Variants in CDH23 observed in about 807,000 individuals in gnomAD.
CDH23 encodes cadherin related 23.
CDH23 carries 189 observed loss-of-function variants against 317.1 expected under a neutral mutation model. That is an observed-to-expected ratio of 0.60 (90% confidence interval 0.53 to 0.67). The LOEUF is 0.67. Among genes scored for constraint, CDH23 ranks in the 30% least tolerant of loss-of-function variants. CDH23 has a pLI of 0.00. For missense variants in CDH23, 4,401 were observed against 4,592.4 expected (o/e 0.96, Z 1.20); for synonymous variants, 1,839 against 1,876.8 (o/e 0.98, Z 0.52).
chr10:71,725,227 C>T, intron 29 of CDH23, 145 bp from the exon 30 acceptor site: 1 of 1,460,378 alleles, frequency 6.8e-7, no homozygotes, highest in Non-Finnish European at 9.6e-7. Context: ...GCTTCCTCTC[C>T]ACTGTGAATT....
chr10:71,722,523 T>C (rs544161765), intron 28 of CDH23, among the ~76,000 whole-genome samples: 3 of 152,222 alleles, frequency 2.0e-5, no homozygotes, highest in Non-Finnish European at 2.9e-5. Context: ...GACCCTACTG[T>C]GTGCCAGGAT....
rs190635139 is a variant in CDH23 at position 71,763,303 on chromosome 10, C to T, written c.4846-14377C>T. 1.5e-4 allele frequency among the ~76,000 whole-genome samples: 23 copies of T among 152,320 alleles called. No homozygotes were observed. The East Asian group carries it at 3.1e-3, about 20-fold the overall frequency. On this transcript the variant is annotated intron_variant, in intron 38 of 69. Coordinates refer to ENST00000224721, the MANE Select transcript of CDH23 (RefSeq NM_022124.6). ...GATTACAAGTGTGACCCACTACGCC[C>T]GGCCAGTGGTATTTTTATTTTAAAT...
chr10:71,428,381 G>T lies in CDH23; in HGVS notation c.-5-11446G>T, dbSNP rs573499920. 2.6e-5 allele frequency among the ~76,000 whole-genome samples: 4 copies of T among 151,754 alleles called. No homozygotes were observed. In the South Asian group the frequency reaches 8.4e-4, roughly 32 times the overall value. ...TTGAACTCCTGACCTCAAGTGATCC[G>T]CCCACCTCAGCCTCCCAAAGTGTTG... On this transcript the variant is annotated intron_variant, in intron 1 of 69. Transcript: ENST00000224721.
chr10:71,609,703 G>A (rs1000984567), intron 9 of CDH23, among the ~76,000 whole-genome samples: 1 of 152,030 alleles, frequency 6.6e-6, no homozygotes, highest in Non-Finnish European at 1.5e-5. Flanking sequence ...GGTTATACTC[G>A]TCCAATTATA....
At chr10:71,459,068 G>A (rs1237050911) in intron 3 of CDH23, among the ~76,000 whole-genome samples, 1 of 142,924 alleles carries the variant, frequency 7.0e-6, no homozygotes, top group Non-Finnish European at 1.5e-5. Flanking sequence ...TTACAGGTGT[G>A]AGCCACCACA....
At chr10:71,646,998 G>A (rs1230584500) in intron 14 of CDH23, 1 of 985,304 alleles carries the variant, frequency 1.0e-6, no homozygotes, top group Non-Finnish European at 1.2e-6. Flanking sequence ...ACCAGAGAGG[G>A]GCAGGCGCCT....
chr10:71,759,313 C>T (rs1480568893), intron 38 of CDH23, among the ~76,000 whole-genome samples: 2 of 151,706 alleles, frequency 1.3e-5, no homozygotes, highest in Non-Finnish European at 1.5e-5. Context: ...GCTGGGATTA[C>T]AGGCGTGAGC....
At chr10:71,748,097 T>C (rs1423883111) in intron 38 of CDH23, 1 of 152,106 alleles carries the variant, frequency 6.6e-6, no homozygotes, top group Non-Finnish European at 1.5e-5. Context: ...CCCAGCACAG[T>C]CAGGCCAGCC....
At chr10:71,646,041 G>A (rs1264361496) in intron 13 of CDH23, 61 bp downstream of exon 13, 14 of 1,575,692 alleles carry the variant, frequency 8.9e-6, no homozygotes, top group South Asian at 1.1e-5. Flanking sequence ...GGGGAGGCGA[G>A]GGTAGGGTAG....
intron 28 of CDH23, chr10:71,717,952 C>G (rs948984040): frequency 6.6e-6 from 1 of 152,190 alleles, no homozygotes; most frequent in Non-Finnish European, 1.5e-5. Context: ...ACAGGCCAAA[C>G]CAAACACATA....
chr10:71,508,419 A>C (rs931422781), intron 3 of CDH23: 1 of 152,214 alleles, frequency 6.6e-6, no homozygotes, highest in Non-Finnish European at 1.5e-5. Context: ...CCATGAGGAC[A>C]TGGTAATCAC....
intron 27 of CDH23, 126 bp downstream of exon 27, chr10:71,709,337 A>G: frequency 2.7e-6 from 2 of 748,010 alleles, no homozygotes; most frequent in Non-Finnish European, 4.4e-6. Flanking sequence ...AAGGGCCACC[A>G]GGCACTCACC....
chr10:71,695,651 C>G, intron 22 of CDH23, 126 bp downstream of exon 22: 1 of 670,728 alleles, frequency 1.5e-6, no homozygotes, highest in East Asian at 2.7e-5. Context: ...TGAGCTGGCT[C>G]TTGCAATAGA....
At chr10:71,524,727 T>G (rs1036653839) in intron 6 of CDH23, among the ~76,000 whole-genome samples, 4 of 152,068 alleles carry the variant, frequency 2.6e-5, no homozygotes, top group African/African-American at 7.2e-5. Context: ...GGAGAAGACA[T>G]GACAGTGGAT....
rs376752550 is a variant in CDH23 at position 71,790,377 on chromosome 10, G to T, written c.6013G>T (p.Ala2005Ser). The T allele has an allele frequency of 6.2e-7, 1 of 1,613,544 alleles. No individual in the cohort carries two copies. Among genetic ancestry groups the T allele is most frequent in the African/African-American group, 1.3e-5 (1 of 75,058 alleles). The change falls in exon 46 of 70, where the codon GCC becomes TCC. Residue 2005 changes from alanine to serine, a missense_variant. Transcript: ENST00000224721. ...CGTGGTGACCTACCAGCTGCTGGGT[G>T]CCCAGAGTGGCCTCTTTGACATCAA... ...YAVVTYQLLG[A>S]QSGLFDINSS...
chr10:71,515,394 T>TCTCTCACACACACA (rs1491490493), intron 6 of CDH23, among the ~76,000 whole-genome samples: 24 of 26,702 alleles, frequency 9.0e-4, no homozygotes, highest in African/African-American at 1.9e-3. Context: ...TCTCTCTCTC[T>TCTCTCACACACACA]CACACACACA....
chr10:71,777,692 G>T lies in CDH23; in HGVS notation c.4858G>T (p.Val1620Leu), dbSNP rs41281330. ...CTCTTTTCCACAGGCCACCACGCAC[G>T]TGTACGTGACCATTGTGGATGAGAA... ...GTPTLSATTH[V>L]YVTIVDENDN... The change falls in exon 39 of 70, where the codon GTG becomes TTG. Residue 1620 changes from valine (V) to leucine (L), a missense_variant. Val to Leu is a conservative substitution (Grantham distance 32, BLOSUM62 1). Transcript: ENST00000224721. 6.2e-7 allele frequency: 1 copy of T among 1,611,658 alleles called. No individual in the cohort carries two copies. The highest frequency in any genetic ancestry group is 1.7e-5 in the Admixed American group (1 of 59,698).
intron 14 of CDH23, among the ~76,000 whole-genome samples, chr10:71,655,626 A>G (rs182673237): frequency 3.3e-5 from 5 of 151,902 alleles, no homozygotes; most frequent in African/African-American, 1.2e-4. Context: ...TCCCCACGCC[A>G]CTGAAAACCT....
chr10:71,642,184 C>T (rs560447183), intron 11 of CDH23, among the ~76,000 whole-genome samples: 3 of 152,128 alleles, frequency 2.0e-5, no homozygotes, highest in Admixed American at 2.0e-4. Context: ...GCTTGTCCTC[C>T]CCTTAGACTG....
Sources: gnomAD v4.1 joint callset for allele counts (sites outside exome capture counted in the v4.1 genomes callset) on GRCh38, gnomAD v4.1.1 for gene constraint, MANE v1.5 for transcripts, NCBI Gene and HGNC (gene_info 2026-07-23, HGNC 2026-07-21) for gene names.